ST7: variants seen among roughly 807,000 people sequenced by gnomAD.
ST7 encodes the protein suppressor of tumorigenicity 7 protein.
In ST7, 28 loss-of-function variants were observed where a neutral mutation model predicts 78.7. The ratio of observed to expected loss-of-function variants is 0.36; its 90% CI spans 0.26 to 0.49. ST7 has a LOEUF of 0.49. Ranked by LOEUF, ST7 falls within the 20% of genes least tolerant of loss-of-function variation. The probability of loss-of-function intolerance (pLI) is 0.99; values close to 1 mark genes in which losing one functional copy is unlikely to be tolerated. For missense variants in ST7, 418 were observed against 696.0 expected, an observed-to-expected ratio of 0.60 and a Z score of 4.49; for synonymous variants, 247 against 249.6, an observed-to-expected ratio of 0.99 and a Z score of 0.10.
intron 1 of ST7, among the ~76,000 whole-genome samples, chr7:117,007,332 C>T (rs909516701): frequency 1.3e-5 from 2 of 152,148 alleles, no homozygotes; most frequent in Admixed American, 6.5e-5. Flanking sequence ...TCAAACCAGC[C>T]ATAACATTCC....
At chr7:117,035,700 A>T (rs557605980) in intron 1 of ST7, among the ~76,000 whole-genome samples, 44 of 152,292 alleles carry the variant, frequency 2.9e-4, no homozygotes, top group Middle Eastern at 6.8e-3. Flanking sequence ...ATATTTTTGG[A>T]ATTTTCTCTA....
intron 12 of ST7, among the ~76,000 whole-genome samples, chr7:117,207,687 G>A (rs1268282711): frequency 6.6e-6 from 1 of 152,146 alleles, no homozygotes; most frequent in Non-Finnish European, 1.5e-5. Context: ...TGAGTTAGTT[G>A]TTTTCATATT....
chr7:117,165,571 G>T (rs1019658494), intron 9 of ST7, among the ~76,000 whole-genome samples: 2 of 152,134 alleles, frequency 1.3e-5, no homozygotes, highest in Non-Finnish European at 2.9e-5. Context: ...AAGTATTCCA[G>T]TCATGAAGTG....
intron 1 of ST7, among the ~76,000 whole-genome samples, chr7:116,989,374 G>A (rs893188042): frequency 5.9e-5 from 9 of 152,088 alleles, no homozygotes; most frequent in Non-Finnish European, 1.0e-4. Flanking sequence ...TGGAGATTTA[G>A]GTAATAGCCT....
intron 1 of ST7, among the ~76,000 whole-genome samples, chr7:117,025,862 A>G (rs1277061541): frequency 2.0e-5 from 3 of 152,240 alleles, no homozygotes; most frequent in Non-Finnish European, 2.9e-5. Flanking sequence ...TAAAGTAAAT[A>G]AGGAAATTTT....
intron 1 of ST7, among the ~76,000 whole-genome samples, chr7:117,027,446 G>GTAAAGTAAAAGTAAAAGT (rs1563021796): frequency 2.0e-5 from 3 of 151,382 alleles, no homozygotes; most frequent in African/African-American, 7.4e-5. Flanking sequence ...TCTCAAAAGT[G>GTAAAGTAAAAGTAAAAGT]AAAAGTAAAG....
chr7:116,998,804 G>A (rs1794796667), intron 1 of ST7, among the ~76,000 whole-genome samples: 2 of 152,206 alleles, frequency 1.3e-5, no homozygotes, highest in Admixed American at 6.5e-5. Context: ...TAAACAGGGA[G>A]CTGTGATAGA....
chr7:117,122,849 A>G lies in ST7; in HGVS notation c.394+3129A>G, dbSNP rs1217306833. Reference sequence around the variant, plus strand: ...TGATTTTGATTTTTGAATAAGAAAAATACTAAAAGGGTACATTAGGTACAT... The same window carrying G: ...TGATTTTGATTTTTGAATAAGAAAAGTACTAAAAGGGTACATTAGGTACAT... On this transcript the variant is annotated intron_variant, in intron 3 of 15. Coordinates refer to ENST00000323984, the MANE Select transcript of ST7 (RefSeq NM_001369598.1). Among the ~76,000 whole-genome samples, 4 of 152,202 alleles carry G rather than the reference A, an allele frequency of 2.6e-5. No individual in the cohort carries two copies. The East Asian group carries it at 7.7e-4, about 29-fold the overall frequency.
chr7:116,955,746 T>C (rs935795161), intron 1 of ST7, among the ~76,000 whole-genome samples: 1 of 152,234 alleles, frequency 6.6e-6, no homozygotes, highest in African/African-American at 2.4e-5. Flanking sequence ...GCAAAATATC[T>C]ACTGGGAAAA....
At chr7:116,960,251 G>A (rs998803761) in intron 1 of ST7, among the ~76,000 whole-genome samples, 7 of 151,776 alleles carry the variant, frequency 4.6e-5, no homozygotes, top group Admixed American at 4.6e-4. Flanking sequence ...GTGCAGGGAC[G>A]GGATCTCAGC....
chr7:117,156,934 G>A (rs553889576), intron 9 of ST7, among the ~76,000 whole-genome samples: 5 of 152,128 alleles, frequency 3.3e-5, no homozygotes, highest in South Asian at 2.1e-4. Flanking sequence ...TCTAGATAAC[G>A]TCAAGGTCTG....
At chr7:117,008,217 G>GA (rs949632272) in intron 1 of ST7, among the ~76,000 whole-genome samples, 9 of 152,198 alleles carry the variant, frequency 5.9e-5, no homozygotes, top group Non-Finnish European at 1.3e-4. Context: ...TTTAGAGCTA[G>GA]AAAAAAACCT....
At chr7:117,077,593 A>G (rs1459447671) in intron 1 of ST7, among the ~76,000 whole-genome samples, 1 of 152,204 alleles carries the variant, frequency 6.6e-6, no homozygotes, top group Non-Finnish European at 1.5e-5. Flanking sequence ...CTTTTATGCT[A>G]CTGCAGACAT....
intron 1 of ST7, among the ~76,000 whole-genome samples, chr7:117,055,956 G>T (rs1682346160): frequency 1.3e-5 from 2 of 152,180 alleles, no homozygotes; most frequent in Admixed American, 6.5e-5. Flanking sequence ...CAATACTGAA[G>T]AACTTGGAGT....
intron 9 of ST7, among the ~76,000 whole-genome samples, chr7:117,154,873 AGGTGATG>A (rs984674139): frequency 6.6e-6 from 1 of 152,042 alleles, no homozygotes; most frequent in Non-Finnish European, 1.5e-5. Flanking sequence ...GGAAATGGAA[AGGTGATG>A]GGCCGTGGGC....
intron 9 of ST7, among the ~76,000 whole-genome samples, chr7:117,149,565 T>C (rs1039035110): frequency 1.3e-5 from 2 of 151,938 alleles, no homozygotes; most frequent in Admixed American, 1.3e-4. Flanking sequence ...GTATTTCATT[T>C]TATCACCTTG....
chr7:117,041,832 A>G (rs2116295702), intron 1 of ST7, among the ~76,000 whole-genome samples: 1 of 152,316 alleles, frequency 6.6e-6, no homozygotes, highest in Admixed American at 6.5e-5. Flanking sequence ...TAAGGTTTAA[A>G]CCAGGCAGAA....
intron 1 of ST7, among the ~76,000 whole-genome samples, chr7:117,023,959 G>A (rs1199392030): frequency 1.3e-5 from 2 of 151,884 alleles, no homozygotes. Context: ...ACAGGCATGT[G>A]CCATGACACC....
intron 9 of ST7, among the ~76,000 whole-genome samples, chr7:117,164,697 A>T (rs1207907105): frequency 6.6e-6 from 1 of 152,250 alleles, no homozygotes; most frequent in Non-Finnish European, 1.5e-5. Flanking sequence ...TGTGAGAAGC[A>T]TAAGCAAAAT....
Sources: allele counts gnomAD v4.1 joint callset (sites outside exome capture counted in the v4.1 genomes callset), GRCh38; gene constraint gnomAD v4.1.1; transcripts MANE v1.5; gene names NCBI Gene and HGNC (gene_info 2026-07-23, HGNC 2026-07-21).